The following EYA3 variants were observed in gnomAD, a reference collection of about 807,000 sequenced individuals.
EYA3 encodes the protein EYA transcriptional coactivator and phosphatase 3.
In EYA3, 39 loss-of-function variants were observed where a neutral mutation model predicts 80.0. That is an observed-to-expected ratio of 0.49 (90% confidence interval 0.38 to 0.64). The LOEUF is 0.64. Among genes scored for constraint, EYA3 ranks in the 30% least tolerant of loss-of-function variants. The pLI is 0.00. For synonymous variants in EYA3, 206 were observed against 232.8 expected (o/e 0.88, Z 1.05); for missense variants, 523 against 676.1 (o/e 0.77, Z 2.51).
chr1:28,078,562 A>C (rs559880916), intron 1 of EYA3, among the ~76,000 whole-genome samples: 17 of 151,918 alleles, frequency 1.1e-4, no homozygotes, highest in Non-Finnish European at 2.2e-4. Flanking sequence ...TCTTTTCTTT[A>C]ATTGAGACAG....
chr1:28,033,291 T>G (rs983858209), intron 6 of EYA3, among the ~76,000 whole-genome samples: 1 of 152,176 alleles, frequency 6.6e-6, no homozygotes, highest in African/African-American at 2.4e-5. Flanking sequence ...AGAAAACATC[T>G]TTTCAAAATA....
At chr1:28,050,195 TATTA>T (rs1557617275) in intron 2 of EYA3, among the ~76,000 whole-genome samples, 5 of 146,688 alleles carry the variant, frequency 3.4e-5, no homozygotes, top group South Asian at 2.2e-4. Context: ...TTATTATTAT[TATTA>T]TTATTTTTTT....
At chr1:28,034,991 A>G (rs941873657) in intron 6 of EYA3, among the ~76,000 whole-genome samples, 4 of 152,172 alleles carry the variant, frequency 2.6e-5, no homozygotes, top group Non-Finnish European at 5.9e-5. Context: ...TTCATGTCCA[A>G]GACACCTAAA....
intron 1 of EYA3, among the ~76,000 whole-genome samples, chr1:28,079,072 A>AT (rs1188755685): frequency 2.0e-5 from 3 of 152,004 alleles, no homozygotes; most frequent in East Asian, 3.9e-4. Flanking sequence ...TACCATTCTC[A>AT]TTTTTTTTCC....
chr1:27,975,566 A>C (rs1194122618), intron 17 of EYA3, among the ~76,000 whole-genome samples: 3 of 150,638 alleles, frequency 2.0e-5, no homozygotes, highest in Non-Finnish European at 3.0e-5. Flanking sequence ...GCTCACTGCA[A>C]GCTCCGCCTC....
chr1:28,037,638 G>A (rs1054196205), intron 5 of EYA3, among the ~76,000 whole-genome samples: 2 of 152,140 alleles, frequency 1.3e-5, no homozygotes, highest in South Asian at 2.1e-4. Flanking sequence ...CAGAGAATAG[G>A]TTCAGTTATT....
At chr1:28,039,353 C>T (rs1643644063) in intron 4 of EYA3, among the ~76,000 whole-genome samples, 2 of 152,204 alleles carry the variant, frequency 1.3e-5, no homozygotes, top group African/African-American at 4.8e-5. Flanking sequence ...TTGGGGGAGG[C>T]ACCCAATCTT....
intron 17 of EYA3, among the ~76,000 whole-genome samples, chr1:27,975,832 A>G (rs1412298570): frequency 1.3e-5 from 2 of 151,532 alleles, no homozygotes; most frequent in Non-Finnish European, 2.9e-5. Flanking sequence ...TTTGAGACAG[A>G]GTCTCACTCT....
intron 1 of EYA3, among the ~76,000 whole-genome samples, chr1:28,078,781 AGAT>A (rs535048452): frequency 9.3e-4 from 142 of 152,336 alleles, no homozygotes; most frequent in Admixed American, 1.8e-3. Context: ...ACCATTTTAC[AGAT>A]GAGAAAACTA....
chr1:28,070,195 T>C (rs1450249716), intron 1 of EYA3, among the ~76,000 whole-genome samples: 1 of 152,198 alleles, frequency 6.6e-6, no homozygotes, highest in Admixed American at 6.5e-5. Flanking sequence ...ACCTCTCTGT[T>C]TGGGCTTGTT....
At chr1:28,083,723 G>A (rs1379344126) in intron 1 of EYA3, among the ~76,000 whole-genome samples, 3 of 152,082 alleles carry the variant, frequency 2.0e-5, no homozygotes, top group Admixed American at 6.6e-5. Context: ...TATCTATAAC[G>A]AAAGAACATG....
chr1:28,004,700 CAT>C (rs201295440), intron 10 of EYA3, among the ~76,000 whole-genome samples: 5 of 151,512 alleles, frequency 3.3e-5, no homozygotes, highest in Admixed American at 3.3e-4. Flanking sequence ...TTACATTTTA[CAT>C]ATATATATGT....
At chr1:28,023,093 G>T in intron 7 of EYA3, among the ~76,000 whole-genome samples, 1 of 5,580 alleles carries the variant, frequency 1.8e-4, no homozygotes, top group Non-Finnish European at 5.4e-4. Context: ...GGGGGGGGGG[G>T]GGAAAACCAA....
chr1:28,079,057 T>A (rs1391753879), intron 1 of EYA3, among the ~76,000 whole-genome samples: 1 of 152,242 alleles, frequency 6.6e-6, no homozygotes, highest in African/African-American at 2.4e-5. Flanking sequence ...TTCTTCTTTA[T>A]CCTTTACCAT....
chr1:28,039,076 G>A (rs775085491), intron 4 of EYA3, among the ~76,000 whole-genome samples, 171 bp from the exon 5 acceptor site: 5 of 152,170 alleles, frequency 3.3e-5, no homozygotes, highest in African/African-American at 4.8e-5. Flanking sequence ...GTTTATACAT[G>A]TGTTTATAGA....
At chr1:28,030,324 G>C (rs1212373736) in intron 6 of EYA3, among the ~76,000 whole-genome samples, 1 of 152,124 alleles carries the variant, frequency 6.6e-6, no homozygotes, top group Non-Finnish European at 1.5e-5. Context: ...ACAAGGTCTT[G>C]CTCTGTTGCC....
At position 28,004,436 on chromosome 1, in the gene EYA3, T is replaced by TA. The variant is rs1236805574; in HGVS notation, c.910-18dup. On this transcript the variant is annotated splice_polypyrimidine_tract_variant and intron_variant, in intron 10 of 17. Coordinates refer to ENST00000373871, the MANE Select transcript of EYA3 (RefSeq NM_001990.4). Reference sequence around the variant, plus strand: ...AAATACCCGCTGAGGAAAGAAAATATAAAAAATGAGTATATTTTCCAATTA... The same window carrying TA: ...AAATACCCGCTGAGGAAAGAAAATATAAAAAAATGAGTATATTTTCCAATTA... 1.9e-6 allele frequency: 3 copies of TA among 1,582,640 alleles called. No individual in the cohort carries two copies. The highest frequency in any genetic ancestry group is 2.7e-5 in the African/African-American group (2 of 74,202).
chr1:28,087,748 C>G (rs1645715224), intron 1 of EYA3, among the ~76,000 whole-genome samples: 1 of 152,216 alleles, frequency 6.6e-6, no homozygotes, highest in African/African-American at 2.4e-5. Context: ...CATGACTTGT[C>G]AATTAACAAG....
At position 27,978,466 on chromosome 1, in the gene EYA3, T is replaced by C; in HGVS notation, c.1549A>G (p.Ser517Gly). 1 of 1,613,718 alleles carries C rather than the reference T, an allele frequency of 6.2e-7. No individual in the cohort carries two copies. Among genetic ancestry groups the C allele is most frequent in the East Asian group, 2.2e-5 (1 of 44,868 alleles). ...IYSATKIGKESCFERIVSRFG... is the reference protein window; with the variant it reads ...IYSATKIGKEGCFERIVSRFG... The stretch of plus-strand genomic sequence containing the variant: ...CTTGACACAATTCTCTCAAAGCAGC[T>C]CTCCTTACCTGATGAGAAAAAGAAA... The change falls in exon 17 of 18, where the codon AGC becomes GGC. Residue 517 changes from serine to glycine, a missense_variant. Coordinates refer to ENST00000373871, the MANE Select transcript of EYA3 (RefSeq NM_001990.4).
Sources: allele counts gnomAD v4.1 joint callset (sites outside exome capture counted in the v4.1 genomes callset), GRCh38; gene constraint gnomAD v4.1.1; transcripts MANE v1.5; gene names NCBI Gene and HGNC (gene_info 2026-07-23, HGNC 2026-07-21).